Variants in PLA2R1 observed in about 807,000 individuals in gnomAD.
PLA2R1 encodes the protein phospholipase A2 receptor 1.
Under a neutral mutation model 195.9 loss-of-function variants are expected in PLA2R1, and 158 were observed. The ratio of observed to expected loss-of-function variants is 0.81; its 90% CI spans 0.71 to 0.92. The LOEUF (loss-of-function observed/expected upper bound fraction) is 0.92, where lower values mean the gene tolerates loss of function less well. Ranked by LOEUF, PLA2R1 falls within the 40% of genes least tolerant of loss-of-function variation. The pLI is 0.00. For synonymous variants in PLA2R1, 586 were observed against 598.2 expected (o/e 0.98, Z 0.30); for missense variants, 1,626 against 1,764.6 (o/e 0.92, Z 1.41).
At chr2:160,013,673 C>T (rs1296761253) in intron 9 of PLA2R1, among the ~76,000 whole-genome samples, 1 of 120,830 alleles carries the variant, frequency 8.3e-6, no homozygotes, top group Admixed American at 8.6e-5. Context: ...CTACCTCTCT[C>T]TTTCTCTCTC....
intron 1 of PLA2R1, among the ~76,000 whole-genome samples, chr2:160,045,684 C>T (rs985367146): frequency 3.3e-5 from 5 of 152,158 alleles, no homozygotes; most frequent in South Asian, 4.1e-4. Flanking sequence ...TGATCTGATA[C>T]GGGATTCAAT....
At chr2:159,978,824 A>G (rs986735493) in intron 14 of PLA2R1, among the ~76,000 whole-genome samples, 2 of 152,192 alleles carry the variant, frequency 1.3e-5, no homozygotes, top group African/African-American at 4.8e-5. Flanking sequence ...TTTGAAAACC[A>G]TCTTGGTACG....
rs540964855 is a variant in PLA2R1 at position 159,977,374 on chromosome 2, C to T, written c.2311G>A (p.Ala771Thr). 27 of 1,612,688 alleles carry T rather than the reference C, an allele frequency of 1.7e-5. No homozygotes were observed. The South Asian group carries it at 2.4e-4, about 14-fold the overall frequency. ...FLDNTYFGED[A>T]RNCAVYKANK... is the part of the protein sequence containing the mutation. Reference sequence around the variant, plus strand: ...GCCTTATAAACAGCACAGTTTCTTGCATCTTCTCCAAAATAAGTGTTGTCT... The same window carrying T: ...GCCTTATAAACAGCACAGTTTCTTGTATCTTCTCCAAAATAAGTGTTGTCT... Residue 771 changes from alanine (A) to threonine (T), a missense_variant, in exon 15 of 30, where the codon GCA becomes ACA. Transcript: ENST00000283243.
intron 20 of PLA2R1, among the ~76,000 whole-genome samples, chr2:159,961,772 T>C (rs75020258): frequency 0.017 from 2,583 of 152,164 alleles, 64 homozygotes; most frequent in African/African-American, 0.059. Context: ...GGAGGACACA[T>C]GGGATGGAGG....
At chr2:159,928,626 C>T (rs1376562546), downstream of PLA2R1, among the ~76,000 whole-genome samples, 1 of 152,088 alleles carries the variant, frequency 6.6e-6, no homozygotes, top group African/African-American at 2.4e-5. Flanking sequence ...CAAAATACTA[C>T]CATAATTCTT....
In PLA2R1 at chr2:159,936,678, C is replaced by A. The variant is rs1056128076; in HGVS notation, c.*5100G>T. 2.0e-5 allele frequency: 3 copies of A among 152,244 alleles called. No individual in the cohort carries two copies. The East Asian group carries it at 5.8e-4, about 29-fold the overall frequency. The allele number at this position is 152,244 out of a possible 1,614,324, so 9.4% of individuals were successfully genotyped here. A position where few individuals can be genotyped will look rare whatever the true frequency, so the allele number is the denominator to read the frequency against. ...GTGACTAGTTCCAGCCAATGACACG[C>A]GAGTGGAAGTGCCACGTGTTTCTTC... On this transcript the variant is annotated 3_prime_UTR_variant, in exon 30 of 30. Transcript: ENST00000283243.
At chr2:160,045,907 G>A (rs1027183994) in intron 1 of PLA2R1, among the ~76,000 whole-genome samples, 1 of 152,168 alleles carries the variant, frequency 6.6e-6, no homozygotes, top group South Asian at 2.1e-4. Flanking sequence ...ACATGGACAG[G>A]CGGAGAAAGC....
intron 11 of PLA2R1, among the ~76,000 whole-genome samples, chr2:159,993,162 C>T (rs1387403803): frequency 6.6e-6 from 1 of 152,046 alleles, no homozygotes; most frequent in East Asian, 1.9e-4. Flanking sequence ...TTAGCTTCTC[C>T]TTGAATGAGA....
chr2:160,005,884 A>T, intron 10 of PLA2R1, 63 bp from the exon 11 acceptor site: 2 of 1,108,232 alleles, frequency 1.8e-6, no homozygotes, highest in Non-Finnish European at 2.7e-6. Context: ...ATGTCATTAA[A>T]GCATAATGAA....
At chr2:159,992,209 T>C (rs1178906956) in intron 11 of PLA2R1, among the ~76,000 whole-genome samples, 2 of 151,942 alleles carry the variant, frequency 1.3e-5, no homozygotes, top group East Asian at 1.9e-4. Context: ...ATTTCTCTGA[T>C]GGCCAGTGAT....
intron 11 of PLA2R1, among the ~76,000 whole-genome samples, chr2:159,993,453 T>TACACACACACACACACACACACAC (rs3063677): frequency 6.7e-5 from 10 of 148,198 alleles, no homozygotes; most frequent in African/African-American, 2.5e-4. Context: ...GTGTTTAATT[T>TACACACACACACACACACACACAC]ACACACACAC....
At chr2:160,034,215 C>T (rs187240441) in intron 3 of PLA2R1, among the ~76,000 whole-genome samples, 1 of 152,002 alleles carries the variant, frequency 6.6e-6, no homozygotes, top group Non-Finnish European at 1.5e-5. Flanking sequence ...TTAGATGGTC[C>T]CCTTGGGAAA....
At position 159,946,825 on chromosome 2, in the gene PLA2R1, AC is replaced by A. The variant is rs1171319347; in HGVS notation, c.3942del (p.Trp1314CysfsTer2). 6.2e-7 allele frequency: 1 copy of A among 1,609,642 alleles called. No homozygotes were observed. The highest frequency in any genetic ancestry group is 1.1e-5 in the South Asian group (1 of 90,120). The part of the protein sequence containing the change: ...FAFGSSVQMV[W>X]LNAQFDGNNE... ...CTGTTACCATCAAATTGAGCATTCA[AC>A]CAAACCATCTGGACAGAAGAACCAA... On this transcript the variant is annotated frameshift_variant, in exon 27 of 30. Coordinates refer to ENST00000283243, the MANE Select transcript of PLA2R1 (RefSeq NM_007366.5). LOFTEE classifies it high-confidence loss of function.
rs143850392 is a variant in PLA2R1, at chr2:160,012,210, C to G, written c.1664+1053G>C. Among the ~76,000 whole-genome samples, 388 of 152,258 alleles carry G rather than the reference C, an allele frequency of 2.5e-3. 2 individuals carry two copies. Among genetic ancestry groups the G allele is most frequent in the African/African-American group, 8.8e-3 (365 of 41,536 alleles). On this transcript the variant is annotated intron_variant, in intron 10 of 29. Coordinates refer to ENST00000283243, the MANE Select transcript of PLA2R1 (RefSeq NM_007366.5). ...CAGTGAATATTTTTAAAGGCAATGG[C>G]CCAGGTAAATATGCAAGTGACTTGC...
At chr2:160,014,273 T>C (rs1412621905) in intron 9 of PLA2R1, among the ~76,000 whole-genome samples, 1 of 150,812 alleles carries the variant, frequency 6.6e-6, no homozygotes, top group East Asian at 1.9e-4. Flanking sequence ...CTAAATTAAC[T>C]GGCTGGCCTT....
intron 17 of PLA2R1, among the ~76,000 whole-genome samples, chr2:159,971,494 ACACACACAC>A (rs1476565221): frequency 8.0e-6 from 1 of 125,510 alleles, no homozygotes; most frequent in South Asian, 2.2e-4. Context: ...ACACATACAC[ACACACACAC>A]ATTAGGGCAG....
At chr2:159,942,036 C>A in intron 29 of PLA2R1, 44 bp from the exon 30 acceptor site, 1 of 1,566,150 alleles carries the variant, frequency 6.4e-7, no homozygotes, top group Non-Finnish European at 8.8e-7. Context: ...ACTTCAGTGG[C>A]GATGAAGTAA....
intron 1 of PLA2R1, among the ~76,000 whole-genome samples, chr2:160,055,608 C>T (rs890490544): frequency 6.6e-6 from 1 of 152,208 alleles, no homozygotes; most frequent in Non-Finnish European, 1.5e-5. Context: ...TGAACCACAC[C>T]ATGGGGTCAC....
chr2:160,051,009 AAGTG>A (rs1345406720), intron 1 of PLA2R1, among the ~76,000 whole-genome samples: 4 of 152,232 alleles, frequency 2.6e-5, no homozygotes, highest in Admixed American at 6.5e-5. Flanking sequence ...TGAAGTGTTA[AAGTG>A]AGTAAGATAA....
Sources: allele counts gnomAD v4.1 joint callset (sites outside exome capture counted in the v4.1 genomes callset), GRCh38; gene constraint gnomAD v4.1.1; transcripts MANE v1.5; gene names NCBI Gene and HGNC (gene_info 2026-07-23, HGNC 2026-07-21).